Variants in ARHGEF28 observed in about 807,000 individuals in gnomAD.
ARHGEF28 encodes the protein Rho guanine nucleotide exchange factor 28, also known as 190 kDa guanine nucleotide exchange factor.
A neutral mutation model predicts 206.6 loss-of-function variants in ARHGEF28; 152 were observed. That is an observed-to-expected ratio of 0.74 (90% CI 0.64 to 0.84). The LOEUF (loss-of-function observed/expected upper bound fraction) is 0.84, where lower values mean the gene tolerates loss of function less well. ARHGEF28 is among the 40% of genes least tolerant of loss of function. The pLI is 0.00. For synonymous variants in ARHGEF28, 763 were observed against 776.4 expected (o/e 0.98, Z 0.29); for missense variants, 2,028 against 2,073.2 (o/e 0.98, Z 0.42).
chr5:73,937,739 G>A (rs1764496928), intron 35 of ARHGEF28, among the ~76,000 whole-genome samples: 1 of 152,152 alleles, frequency 6.6e-6, no homozygotes, highest in Admixed American at 6.5e-5. Flanking sequence ...TGCTTTCTGA[G>A]TCAGTGAGGT....
rs113083237 is a variant in ARHGEF28, at chr5:73,868,970, T to C, written c.2425+743T>C. ...CCATTAAAGCATTTTTTAAAGCATA[T>C]TTTATAGAGCAGGACTTAATCTAGG... On this transcript the variant is annotated intron_variant, in intron 20 of 35. Coordinates refer to ENST00000513042, the MANE Select transcript of ARHGEF28 (RefSeq NM_001177693.2). 5.2e-3 allele frequency among the ~76,000 whole-genome samples: 792 copies of C among 152,162 alleles called. 15 individuals carry two copies. Among genetic ancestry groups the C allele is most frequent in the African/African-American group, 0.018 (737 of 41,532 alleles).
intron 26 of ARHGEF28, 27 bp downstream of exon 26, chr5:73,887,706 TA>T (rs1422106127): frequency 6.6e-7 from 1 of 1,511,332 alleles, no homozygotes; most frequent in Admixed American, 2.3e-5. Flanking sequence ...GTGATGTATT[TA>T]AAAAATAGGT....
chr5:73,859,807 C>T (rs375430374), intron 16 of ARHGEF28, among the ~76,000 whole-genome samples: 2 of 152,070 alleles, frequency 1.3e-5, no homozygotes, highest in East Asian at 3.9e-4. Context: ...TTGAGCCCTT[C>T]GATGCATCCC....
intron 2 of ARHGEF28, among the ~76,000 whole-genome samples, chr5:73,748,013 T>G (rs1219736941): frequency 6.6e-6 from 1 of 152,212 alleles, no homozygotes; most frequent in East Asian, 1.9e-4. Flanking sequence ...TCTGTTTATA[T>G]AATTTGTTTT....
At chr5:73,806,777 G>GATATATCGTATACATCTATATGTA (rs1561417888) in intron 9 of ARHGEF28, among the ~76,000 whole-genome samples, 1 of 98,098 alleles carries the variant, frequency 1.0e-5, no homozygotes, top group Non-Finnish European at 2.1e-5. Flanking sequence ...ATCTATATGT[G>GATATATCGTATACATCTATATGTA]CCATATATAT....
At chr5:73,782,735 G>T (rs1753921094) in intron 7 of ARHGEF28, among the ~76,000 whole-genome samples, 1 of 152,204 alleles carries the variant, frequency 6.6e-6, no homozygotes, top group Non-Finnish European at 1.5e-5. Context: ...ACCTGTAGGA[G>T]AAAGCTCTTT....
chr5:73,737,953 C>G (rs921863641), intron 2 of ARHGEF28, among the ~76,000 whole-genome samples: 2 of 152,152 alleles, frequency 1.3e-5, no homozygotes, highest in African/African-American at 4.8e-5. Flanking sequence ...ACTGGGCTGG[C>G]CTTTTTCCTG....
At chr5:73,825,061 G>C (rs1332313397) in intron 9 of ARHGEF28, among the ~76,000 whole-genome samples, 2 of 152,160 alleles carry the variant, frequency 1.3e-5, no homozygotes, top group Non-Finnish European at 2.9e-5. Context: ...ATTATCCACT[G>C]CCTGCCTGTA....
At chr5:73,657,509 G>A (rs1327234815) in intron 1 of ARHGEF28, among the ~76,000 whole-genome samples, 2 of 152,124 alleles carry the variant, frequency 1.3e-5, no homozygotes, top group African/African-American at 4.8e-5. Context: ...ATCATTTGAA[G>A]TTCTAAAGGG....
intron 7 of ARHGEF28, among the ~76,000 whole-genome samples, chr5:73,784,721 T>C (rs539198933): frequency 6.6e-6 from 1 of 152,222 alleles, no homozygotes; most frequent in East Asian, 1.9e-4. Context: ...CTGAACCTTA[T>C]ATATACTATG....
intron 1 of ARHGEF28, among the ~76,000 whole-genome samples, chr5:73,646,116 C>G (rs1338312799): frequency 1.3e-5 from 2 of 152,188 alleles, no homozygotes; most frequent in South Asian, 2.1e-4. Flanking sequence ...GATGTTGGCA[C>G]TCTCTTCTAA....
intron 4 of ARHGEF28, among the ~76,000 whole-genome samples, chr5:73,762,586 G>C (rs765652568): frequency 1.4e-4 from 21 of 151,786 alleles, no homozygotes; most frequent in Non-Finnish European, 2.8e-4. Context: ...AGGTATATAA[G>C]TATTACATGA....
intron 1 of ARHGEF28, among the ~76,000 whole-genome samples, chr5:73,678,466 C>T (rs1746840125): frequency 6.6e-6 from 1 of 152,136 alleles, no homozygotes; most frequent in Non-Finnish European, 1.5e-5. Context: ...TGACATTTCA[C>T]CTTTTGCTGA....
intron 2 of ARHGEF28, among the ~76,000 whole-genome samples, chr5:73,741,330 T>G: frequency 7.2e-6 from 1 of 138,110 alleles, no homozygotes; most frequent in African/African-American, 2.8e-5. Flanking sequence ...TCGTCTAGAT[T>G]TTAAATTTAT....
At chr5:73,683,205 A>T (rs1747218454) in intron 1 of ARHGEF28, among the ~76,000 whole-genome samples, 1 of 152,196 alleles carries the variant, frequency 6.6e-6, no homozygotes, top group Admixed American at 6.5e-5. Flanking sequence ...AAAATAGACA[A>T]CATAAAATTT....
intron 9 of ARHGEF28, among the ~76,000 whole-genome samples, chr5:73,818,685 A>C (rs944061534): frequency 6.6e-5 from 10 of 152,198 alleles, no homozygotes; most frequent in African/African-American, 2.4e-4. Flanking sequence ...GGCCCATTAC[A>C]AACTCTTTGC....
chr5:73,905,441 C>T lies in ARHGEF28; in HGVS notation c.4161+1036C>T, dbSNP rs1246304841. 3.9e-5 allele frequency: 6 copies of T among 151,968 alleles called. 1 individual carries two copies. In the South Asian group the frequency reaches 6.3e-4, roughly 16 times the overall value. 9.4% of individuals were successfully genotyped at this position (151,968 alleles called of 1,614,324 possible). On this transcript the variant is annotated intron_variant, in intron 33 of 35. Coordinates refer to ENST00000513042, the MANE Select transcript of ARHGEF28 (RefSeq NM_001177693.2). The stretch of plus-strand genomic sequence containing the variant: ...TTAATTTACTCATTAAAATGTATCT[C>T]GAAAGGATATACATGCAATGTTTGG...
At chr5:73,795,542 G>A (rs1047452177) in intron 9 of ARHGEF28, 151 bp downstream of exon 9, 8 of 669,022 alleles carry the variant, frequency 1.2e-5, no homozygotes, top group Admixed American at 5.8e-5. Flanking sequence ...TTATTTGTAG[G>A]ATCATTTGTA....
At chr5:73,795,445 A>G in intron 9 of ARHGEF28, 54 bp downstream of exon 9, 1 of 1,451,606 alleles carries the variant, frequency 6.9e-7, no homozygotes. Flanking sequence ...ATCCAGGTTT[A>G]GAGTGGACAA....
Sources: allele counts gnomAD v4.1 joint callset (sites outside exome capture counted in the v4.1 genomes callset), GRCh38; gene constraint gnomAD v4.1.1; transcripts MANE v1.5; gene names NCBI Gene and HGNC (gene_info 2026-07-23, HGNC 2026-07-21).